Variants in FANCI observed in about 807,000 individuals in gnomAD.
FANCI encodes the protein Fanconi anemia group I protein.
FANCI carries 156 observed loss-of-function variants against 176.1 expected under a neutral mutation model. The ratio of observed to expected loss-of-function variants is 0.89; its 90% CI spans 0.78 to 1.01. The LOEUF is 1.01. FANCI is among the 50% of genes least tolerant of loss of function. The pLI is 0.00. For missense variants in FANCI, 1,678 were observed against 1,534.1 expected, an observed-to-expected ratio of 1.09 and a Z score of -1.57; for synonymous variants, 613 against 541.7, an observed-to-expected ratio of 1.13 and a Z score of -1.83.
rs139893044 is a variant in FANCI at position 89,265,812 on chromosome 15, G to A, written c.755+1205G>A. ...GCTGGGATCACAGGCGTGAGCCACC[G>A]TGCCTGGCCGGATTTTTTGTTTTTT... On this transcript the variant is annotated intron_variant, in intron 9 of 37. Coordinates refer to ENST00000310775, the MANE Select transcript of FANCI (RefSeq NM_001113378.2). Among the ~76,000 whole-genome samples the A allele has an allele frequency of 2.7e-3, 409 of 152,210 alleles. 7 individuals carry two copies. Among genetic ancestry groups the A allele is most frequent in the East Asian group, 0.015 (76 of 5,154 alleles).
chr15:89,247,604 C>T (rs545353620), intron 1 of FANCI, 25 bp from the exon 2 acceptor site: 1 of 1,505,674 alleles, frequency 6.6e-7, no homozygotes, highest in South Asian at 1.1e-5. Context: ...AATCTTCACC[C>T]ACCTCTGACG....
At chr15:89,254,337 A>AGGAT in intron 2 of FANCI, among the ~76,000 whole-genome samples, 1 of 152,358 alleles carries the variant, frequency 6.6e-6, no homozygotes. Context: ...ATGCGTGGGC[A>AGGAT]GGATGGATAC....
Position 89,260,727 on chromosome 15 carries a change from G to T in FANCI, c.172G>T (p.Glu58Ter), listed in dbSNP as rs750960530. ...AAAACAATAAGGTTCCCCCTGCTCTGAGGAAGCTGGAACACTTAGGAGACG... is the reference window on the plus strand; with the variant it reads ...AAAACAATAAGGTTCCCCCTGCTCTTAGGAAGCTGGAACACTTAGGAGACG... ...RAIFKGSPCS[E>*]EAGTLRRRKI... The change falls in exon 4 of 38, where the codon GAG (glutamate) becomes TAG (stop). Residue 58 changes from glutamate (E) to a stop codon, truncating the protein, a stop_gained. Coordinates refer to ENST00000310775, the MANE Select transcript of FANCI (RefSeq NM_001113378.2). LOFTEE classifies it high-confidence loss of function. The T allele has an allele frequency of 1.2e-6, 2 of 1,613,860 alleles. No homozygotes were observed. Among genetic ancestry groups the T allele is most frequent in the Non-Finnish European group, 1.7e-6 (2 of 1,179,860 alleles).
At chr15:89,301,640 T>C (rs545945869) in intron 27 of FANCI, among the ~76,000 whole-genome samples, 198 bp downstream of exon 27, 60 of 152,340 alleles carry the variant, frequency 3.9e-4, no homozygotes, top group African/African-American at 1.4e-3. Flanking sequence ...CATACTTACA[T>C]GCAGCCATAC....
At chr15:89,316,104 G>C (rs548307220) in intron 37 of FANCI, among the ~76,000 whole-genome samples, 1 of 152,114 alleles carries the variant, frequency 6.6e-6, no homozygotes, top group Non-Finnish European at 1.5e-5. Context: ...GCACTCAGGA[G>C]AGTCATGTAG....
Position 89,305,196 on chromosome 15 carries a change from G to A in FANCI, c.3140G>A (p.Arg1047His), listed in dbSNP as rs148398892. The change falls in exon 29 of 38, where the codon CGT (arginine) becomes CAT (histidine). Residue 1047 changes from arginine (R) to histidine (H), a missense_variant. By Grantham distance (29) the Arg-to-His change is conservative. Around this residue, in one of 3 missense-constraint regions of FANCI, gnomAD observed 1,204 missense variants for 1,077.4 expected, o/e 1.12. Coordinates refer to ENST00000310775, the MANE Select transcript of FANCI (RefSeq NM_001113378.2). ...TATAAGAGTCCTGTCATTCTGCTGC[G>A]TGACTTGTCCCAGGATATCCACGGG... The part of the protein sequence containing the change: ...VSYKSPVILL[R>H]DLSQDIHGHL... 8 of 1,614,188 alleles carry A rather than the reference G, an allele frequency of 5.0e-6. No homozygotes were observed. The highest frequency in any genetic ancestry group is 2.2e-5 in the East Asian group (1 of 44,884).
rs1274720146 is a variant in FANCI at position 89,278,667 on chromosome 15, A to T, written c.1294-20A>T. 6.3e-6 allele frequency: 10 copies of T among 1,595,672 alleles called. No homozygotes were observed. In the South Asian group the frequency reaches 6.6e-5, roughly 11 times the overall value. On this transcript the variant is annotated intron_variant, in intron 13 of 37. Transcript: ENST00000310775. ...CTGAAGGGTCACCCAGGAATATTTT[A>T]TTTATTCTGTTCTTTTTAGATCCAT...
At chr15:89,305,467 A>G in intron 30 of FANCI, 58 bp downstream of exon 30, 1 of 1,611,572 alleles carries the variant, frequency 6.2e-7, no homozygotes, top group Non-Finnish European at 8.5e-7. Context: ...ATTCTACTCC[A>G]TGTGAAGTGA....
intron 28 of FANCI, among the ~76,000 whole-genome samples, chr15:89,304,399 C>T (rs1036254323): frequency 1.3e-5 from 2 of 152,094 alleles, no homozygotes; most frequent in South Asian, 4.1e-4. Context: ...ACAAAAGAAG[C>T]CAGACACAAG....
intron 28 of FANCI, among the ~76,000 whole-genome samples, chr15:89,304,267 C>T (rs186935934): frequency 1.3e-3 from 203 of 152,320 alleles, no homozygotes; most frequent in African/African-American, 4.6e-3. Context: ...AAGTGTTCAT[C>T]AGCAGTAGAA....
At chr15:89,295,154 C>G in intron 24 of FANCI, 60 bp downstream of exon 24, 2 of 1,501,858 alleles carry the variant, frequency 1.3e-6, no homozygotes, top group South Asian at 2.6e-5. Context: ...TCCAAGAGAA[C>G]AAACTGGGAA....
chr15:89,281,672 C>A lies in FANCI; in HGVS notation c.1513-93C>A. On this transcript the variant is annotated intron_variant, in intron 15 of 37. Transcript: ENST00000310775. ...CGTATATAAAACAGAAGTAAGCTTC[C>A]TTATAGAAGCCATATGGTAACAGTA... is the stretch of plus-strand genomic sequence containing the variant. The A allele has an allele frequency of 2.6e-6, 3 of 1,162,710 alleles. No homozygotes were observed. The Admixed American group carries it at 5.1e-5, about 20-fold the overall frequency. 72.0% of individuals were successfully genotyped at this position (1,162,710 alleles called of 1,614,324 possible). A position where few individuals can be genotyped will look rare whatever the true frequency, so the allele number is the denominator to read the frequency against.
At chr15:89,302,901 G>T (rs2054579626) in intron 27 of FANCI, among the ~76,000 whole-genome samples, 1 of 152,120 alleles carries the variant, frequency 6.6e-6, no homozygotes, top group Non-Finnish European at 1.5e-5. Context: ...TTTTGAATGG[G>T]TAATAAAGTC....
At chr15:89,290,380 C>T in intron 19 of FANCI, 99 bp downstream of exon 19, 3 of 923,204 alleles carry the variant, frequency 3.2e-6, no homozygotes, top group Non-Finnish European at 5.3e-6. Context: ...TAATTCCCAA[C>T]TAGTACATTA....
chr15:89,282,761 T>G (rs761077780), intron 16 of FANCI: 3 of 319,968 alleles, frequency 9.4e-6, no homozygotes, highest in Non-Finnish European at 1.8e-5. Flanking sequence ...TACATTATCC[T>G]ATGATGAAAG....
chr15:89,255,651 G>A (rs533440617), intron 2 of FANCI, among the ~76,000 whole-genome samples: 1 of 152,226 alleles, frequency 6.6e-6, no homozygotes, highest in South Asian at 2.1e-4. Flanking sequence ...AATGAGGAAT[G>A]TTCTATTTTT....
chr15:89,285,489 T>C (rs1293281163), intron 18 of FANCI, among the ~76,000 whole-genome samples: 2 of 152,184 alleles, frequency 1.3e-5, no homozygotes, highest in East Asian at 3.9e-4. Context: ...TAGCTGGGTG[T>C]GGTGGCATGC....
intron 37 of FANCI, 149 bp from the exon 38 acceptor site, chr15:89,316,248 C>CA: frequency 1.2e-6 from 1 of 800,008 alleles, no homozygotes; most frequent in Non-Finnish European, 2.1e-6. Context: ...TCTTCAACAA[C>CA]ATAATTACCT....
At position 89,296,839 on chromosome 15, in the gene FANCI, G is replaced by A. The variant is rs1397125968; in HGVS notation, c.2636+1745G>A. Among the ~76,000 whole-genome samples the A allele has an allele frequency of 4.1e-5, 6 of 147,748 alleles. No homozygotes were observed. In the South Asian group the frequency reaches 6.6e-4, roughly 16 times the overall value. On this transcript the variant is annotated intron_variant, in intron 24 of 37. Coordinates refer to ENST00000310775, the MANE Select transcript of FANCI (RefSeq NM_001113378.2). ...CCCCCACCTCCCTCCCGGACGGGGCGGCTGGCCGGGCAGAGGGGCTCCTCA... is the reference window on the plus strand; with the variant it reads ...CCCCCACCTCCCTCCCGGACGGGGCAGCTGGCCGGGCAGAGGGGCTCCTCA...
Sources: gnomAD v4.1 joint callset for allele counts (sites outside exome capture counted in the v4.1 genomes callset) on GRCh38, gnomAD v4.1.1 for gene constraint, gnomAD v4.1.1 regional missense constraint, MANE v1.5 for transcripts, NCBI Gene and HGNC (gene_info 2026-07-23, HGNC 2026-07-21) for gene names.